The following SDK1 variants were observed in gnomAD, a reference collection of about 807,000 sequenced individuals.
SDK1 encodes sidekick cell adhesion molecule 1.
A neutral mutation model predicts 245.5 loss-of-function variants in SDK1; 157 were observed. That is an observed-to-expected ratio of 0.64 (90% CI 0.56 to 0.73). The LOEUF is 0.73. SDK1 is among the 30% of genes least tolerant of loss of function. The pLI is 0.00. For synonymous variants in SDK1, 1,647 were observed against 1,278.5 expected, an observed-to-expected ratio of 1.29 and a Z score of -6.15; for missense variants, 3,583 against 3,002.3, an observed-to-expected ratio of 1.19 and a Z score of -4.52.
At chr7:3,606,483 A>G (rs954396223) in intron 1 of SDK1, among the ~76,000 whole-genome samples, 2 of 152,162 alleles carry the variant, frequency 1.3e-5, no homozygotes, top group South Asian at 2.1e-4. Flanking sequence ...CCAGGGTCCC[A>G]TAAGACTTCT....
chr7:3,715,017 G>T (rs1217559042), intron 4 of SDK1, among the ~76,000 whole-genome samples: 1 of 152,034 alleles, frequency 6.6e-6, no homozygotes, highest in Admixed American at 6.6e-5. Context: ...AATAAATGAA[G>T]AATCAAGTAG....
intron 22 of SDK1, among the ~76,000 whole-genome samples, chr7:4,093,977 C>G (rs1285452841): frequency 1.3e-5 from 2 of 152,192 alleles, no homozygotes; most frequent in African/African-American, 4.8e-5. Context: ...AGTGTATCTG[C>G]TTTCCCTAGT....
chr7:4,160,732 C>G (rs1468397779), intron 31 of SDK1, among the ~76,000 whole-genome samples: 1 of 152,170 alleles, frequency 6.6e-6, no homozygotes, highest in Non-Finnish European at 1.5e-5. Flanking sequence ...CCAGGGCTGT[C>G]AGGAAGCTGG....
At chr7:3,599,177 C>T (rs1293210106) in intron 1 of SDK1, among the ~76,000 whole-genome samples, 1 of 146,686 alleles carries the variant, frequency 6.8e-6, no homozygotes. Context: ...GATAGATGTG[C>T]AGTGATATCT....
At chr7:3,849,038 C>G (rs12701221) in intron 5 of SDK1, among the ~76,000 whole-genome samples, 46,642 of 152,110 alleles carry the variant, frequency 0.31, 8,571 homozygotes, top group African/African-American at 0.51. Flanking sequence ...CGCATCAGAT[C>G]TTCACTTCCT....
intron 16 of SDK1, among the ~76,000 whole-genome samples, chr7:4,015,872 A>G (rs1043738783): frequency 3.9e-5 from 6 of 152,182 alleles, no homozygotes; most frequent in African/African-American, 1.2e-4. Context: ...GGCCCCACCA[A>G]GTGTACATGG....
intron 35 of SDK1, among the ~76,000 whole-genome samples, chr7:4,198,869 A>G (rs1198488871): frequency 6.8e-6 from 1 of 147,826 alleles, no homozygotes; most frequent in Non-Finnish European, 1.5e-5. Flanking sequence ...GCTGGAGTGC[A>G]GTGGCGTGAT....
chr7:3,977,938 A>G lies in SDK1; in HGVS notation c.1994+3393A>G, dbSNP rs1234406619. Among the ~76,000 whole-genome samples, 3 of 152,234 alleles carry G rather than the reference A, an allele frequency of 2.0e-5. No individual in the cohort carries two copies. In the East Asian group the frequency reaches 5.8e-4, roughly 29 times the overall value. On this transcript the variant is annotated intron_variant, in intron 13 of 44. Coordinates refer to ENST00000404826, the MANE Select transcript of SDK1 (RefSeq NM_152744.4). ...GGGCCTCCTTCTGTTCCCTACTCGT[A>G]CCTTGATGCTCACATGCCCTGGTTT...
In SDK1 at chr7:3,716,807, G is replaced by GA. The variant is rs557753706; in HGVS notation, c.713+74707dup. On this transcript the variant is annotated intron_variant, in intron 4 of 44. Transcript: ENST00000404826. ...AAGAAAAAGGAAAAATCAAACTAAG[G>GA]AAAAATCAGATAATGTGTTGCTATA... is the stretch of plus-strand genomic sequence containing the variant. 3.5e-3 allele frequency among the ~76,000 whole-genome samples: 532 copies of GA among 151,370 alleles called. 4 individuals carry two copies. Among genetic ancestry groups the GA allele is most frequent in the South Asian group, 0.017 (81 of 4,748 alleles).
chr7:3,837,890 G>A (rs1237486885), intron 5 of SDK1, among the ~76,000 whole-genome samples: 5 of 152,270 alleles, frequency 3.3e-5, no homozygotes, highest in African/African-American at 1.2e-4. Flanking sequence ...AGTCAAACTG[G>A]CCACATGACC....
chr7:3,721,425 G>C (rs1296422863), intron 4 of SDK1, among the ~76,000 whole-genome samples: 1 of 152,140 alleles, frequency 6.6e-6, no homozygotes, highest in Non-Finnish European at 1.5e-5. Context: ...TGAACTCCTC[G>C]TAAATCTAAT....
At chr7:3,602,804 T>G (rs1781292616) in intron 1 of SDK1, among the ~76,000 whole-genome samples, 1 of 152,232 alleles carries the variant, frequency 6.6e-6, no homozygotes, top group Admixed American at 6.5e-5. Context: ...GTTTTTATAG[T>G]TTTAGGTCTA....
intron 1 of SDK1, among the ~76,000 whole-genome samples, chr7:3,430,234 G>T (rs575176928): frequency 6.6e-6 from 1 of 152,244 alleles, no homozygotes; most frequent in South Asian, 2.1e-4. Flanking sequence ...GGTAATAAAA[G>T]GACTTGATGC....
chr7:3,954,124 C>T (rs948263069), intron 7 of SDK1, among the ~76,000 whole-genome samples: 3 of 151,876 alleles, frequency 2.0e-5, no homozygotes, highest in African/African-American at 7.3e-5. Flanking sequence ...TGCCCACCTG[C>T]CTGTCTATGT....
At chr7:3,533,227 C>G (rs1247657917) in intron 1 of SDK1, among the ~76,000 whole-genome samples, 1 of 152,138 alleles carries the variant, frequency 6.6e-6, no homozygotes, top group Non-Finnish European at 1.5e-5. Context: ...TGATAAGACT[C>G]TGATTAGAAT....
chr7:3,312,042 C>T (rs1199312276), intron 1 of SDK1, among the ~76,000 whole-genome samples: 1 of 152,298 alleles, frequency 6.6e-6, no homozygotes, highest in Admixed American at 6.5e-5. Flanking sequence ...ACTAGAAAAA[C>T]TTTGCCTACT....
chr7:4,157,715 A>G (rs1406755413), intron 30 of SDK1, among the ~76,000 whole-genome samples: 1 of 152,164 alleles, frequency 6.6e-6, no homozygotes, highest in Non-Finnish European at 1.5e-5. Context: ...CTAGTCTTGT[A>G]GCAGTGGGCC....
intron 4 of SDK1, among the ~76,000 whole-genome samples, chr7:3,713,480 C>T (rs1395008047): frequency 3.3e-5 from 5 of 152,176 alleles, no homozygotes; most frequent in Non-Finnish European, 5.9e-5. Context: ...TGGCTTCATT[C>T]TTGCCTTGAG....
intron 5 of SDK1, among the ~76,000 whole-genome samples, chr7:3,880,207 G>A (rs1426827499): frequency 6.6e-6 from 1 of 152,222 alleles, no homozygotes; most frequent in Non-Finnish European, 1.5e-5. Flanking sequence ...GGATGGCCAG[G>A]TGGGCCTTCA....
Sources: allele counts gnomAD v4.1 joint callset (sites outside exome capture counted in the v4.1 genomes callset), GRCh38; gene constraint gnomAD v4.1.1; transcripts MANE v1.5; gene names NCBI Gene and HGNC (gene_info 2026-07-23, HGNC 2026-07-21).